Variants in NKAIN2 observed in about 807,000 individuals in gnomAD.
NKAIN2 encodes sodium/potassium-transporting ATPase subunit beta-1-interacting protein 2.
NKAIN2 carries 14 observed loss-of-function variants against 32.6 expected under a neutral mutation model. The observed-to-expected ratio is 0.43, with a 90% CI of 0.28 to 0.67. The LOEUF is 0.67. Among genes scored for constraint, NKAIN2 ranks in the 30% least tolerant of loss-of-function variants. NKAIN2 has a pLI of 0.17. For missense variants in NKAIN2, 198 were observed against 258.3 expected, an observed-to-expected ratio of 0.77 and a Z score of 1.60; for synonymous variants, 80 against 87.2, an observed-to-expected ratio of 0.92 and a Z score of 0.46.
intron 6 of NKAIN2, among the ~76,000 whole-genome samples, chr6:124,821,215 A>C (rs1224270130): frequency 6.6e-6 from 1 of 152,006 alleles, no homozygotes; most frequent in African/African-American, 2.4e-5. Context: ...GAATCTCTGG[A>C]ACCTGGGAGG....
At chr6:124,351,799 T>C (rs1470659765) in intron 2 of NKAIN2, among the ~76,000 whole-genome samples, 1 of 152,022 alleles carries the variant, frequency 6.6e-6, no homozygotes, top group Non-Finnish European at 1.5e-5. Flanking sequence ...ATTTTGTATT[T>C]TTAGTAGAGA....
chr6:124,152,558 T>G (rs1416809509), intron 1 of NKAIN2, among the ~76,000 whole-genome samples: 1 of 151,944 alleles, frequency 6.6e-6, no homozygotes, highest in East Asian at 1.9e-4. Context: ...TGTACATGTT[T>G]GGTAGGAATA....
rs1028246181 is a variant in NKAIN2 at position 124,096,221 on chromosome 6, G to A, written c.55-186784G>A. Among the ~76,000 whole-genome samples the A allele has an allele frequency of 4.6e-5, 7 of 152,232 alleles. No individual in the cohort carries two copies. In the South Asian group the frequency reaches 1.5e-3, roughly 32 times the overall value. On this transcript the variant is annotated intron_variant, in intron 1 of 6. Coordinates refer to ENST00000368417, the MANE Select transcript of NKAIN2 (RefSeq NM_001040214.3). ...GTGATGGTCTCCAAAATGTCATACAGGATGATCCAACATTATCAACTCAGT... is the reference window on the plus strand; with the variant it reads ...GTGATGGTCTCCAAAATGTCATACAAGATGATCCAACATTATCAACTCAGT...
At chr6:123,949,923 G>A (rs983706119) in intron 1 of NKAIN2, among the ~76,000 whole-genome samples, 1 of 151,910 alleles carries the variant, frequency 6.6e-6, no homozygotes, top group African/African-American at 2.4e-5. Flanking sequence ...CAATATGTTA[G>A]CTGTGGGTTG....
At chr6:124,284,083 G>T (rs763730670) in intron 2 of NKAIN2, among the ~76,000 whole-genome samples, 10 of 152,074 alleles carry the variant, frequency 6.6e-5, no homozygotes, top group Non-Finnish European at 1.0e-4. Context: ...CAATGTGGTG[G>T]TGGCTGGAAC....
At chr6:124,411,814 T>C (rs2114499421) in intron 3 of NKAIN2, among the ~76,000 whole-genome samples, 1 of 152,354 alleles carries the variant, frequency 6.6e-6, no homozygotes, top group Admixed American at 6.5e-5. Flanking sequence ...CACTTTCAGG[T>C]ACACCAATCA....
At chr6:124,200,843 G>A (rs770136898) in intron 1 of NKAIN2, among the ~76,000 whole-genome samples, 10 of 151,936 alleles carry the variant, frequency 6.6e-5, no homozygotes, top group Admixed American at 1.3e-4. Flanking sequence ...ATAAATGTGC[G>A]GTTTGTATAG....
chr6:123,938,538 T>A (rs1446059421), intron 1 of NKAIN2, among the ~76,000 whole-genome samples: 1 of 140,644 alleles, frequency 7.1e-6, no homozygotes, highest in African/African-American at 2.6e-5. Context: ...TTATATTTTT[T>A]ATATATTATA....
At chr6:124,695,342 A>G (rs1241406086) in intron 4 of NKAIN2, among the ~76,000 whole-genome samples, 1 of 152,194 alleles carries the variant, frequency 6.6e-6, no homozygotes, top group Non-Finnish European at 1.5e-5. Context: ...AGCTCAGAAC[A>G]CCAGCCATCA....
intron 1 of NKAIN2, among the ~76,000 whole-genome samples, chr6:124,133,392 T>A (rs1262288297): frequency 1.3e-5 from 2 of 152,082 alleles, no homozygotes; most frequent in Non-Finnish European, 1.5e-5. Context: ...CAAGGGGAGC[T>A]GAAGTAGCTC....
chr6:124,186,258 AAAG>A (rs1789734718), intron 1 of NKAIN2, among the ~76,000 whole-genome samples: 1 of 151,892 alleles, frequency 6.6e-6, no homozygotes, highest in Non-Finnish European at 1.5e-5. Context: ...AGAAAAGAAA[AAAG>A]AAAAGAAAAG....
intron 1 of NKAIN2, among the ~76,000 whole-genome samples, chr6:123,817,256 A>G (rs1773732256): frequency 6.6e-6 from 1 of 152,112 alleles, no homozygotes; most frequent in Admixed American, 6.6e-5. Flanking sequence ...GATAATGATA[A>G]TTATTTGTTA....
chr6:124,529,038 T>C (rs878958006), intron 3 of NKAIN2, among the ~76,000 whole-genome samples: 2 of 152,228 alleles, frequency 1.3e-5, no homozygotes, highest in Admixed American at 1.3e-4. Flanking sequence ...GCTTGAGGCA[T>C]GTTTCAATAT....
chr6:124,137,902 A>G (rs557588589), intron 1 of NKAIN2, among the ~76,000 whole-genome samples: 26 of 152,266 alleles, frequency 1.7e-4, no homozygotes, highest in African/African-American at 5.8e-4. Context: ...AACTGAAACC[A>G]TAAAAATTCT....
intron 1 of NKAIN2, among the ~76,000 whole-genome samples, chr6:124,212,582 T>C (rs1335436538): frequency 6.6e-6 from 1 of 152,118 alleles, no homozygotes; most frequent in Non-Finnish European, 1.5e-5. Context: ...AAGGAGATAC[T>C]CATACACTTT....
Position 124,776,694 on chromosome 6 carries a change from G to A in NKAIN2, c.475-14645G>A, listed in dbSNP as rs779884931. Among the ~76,000 whole-genome samples the A allele has an allele frequency of 4.6e-5, 7 of 151,974 alleles. No individual in the cohort carries two copies. The East Asian group carries it at 5.8e-4, about 13-fold the overall frequency. ...AGCCTGAACTCTCTTATTATACACCGTAATTTTTATCACATCTTTCTATTA... is the reference window on the plus strand; with the variant it reads ...AGCCTGAACTCTCTTATTATACACCATAATTTTTATCACATCTTTCTATTA... On this transcript the variant is annotated intron_variant, in intron 4 of 6. Coordinates refer to ENST00000368417, the MANE Select transcript of NKAIN2 (RefSeq NM_001040214.3).
intron 1 of NKAIN2, among the ~76,000 whole-genome samples, chr6:124,189,834 C>T (rs933706989): frequency 1.3e-5 from 2 of 152,226 alleles, no homozygotes; most frequent in African/African-American, 4.8e-5. Context: ...GGGAAGAAAG[C>T]TCTTCATCAT....
chr6:123,915,481 A>G (rs1775441520), intron 1 of NKAIN2, among the ~76,000 whole-genome samples: 1 of 152,138 alleles, frequency 6.6e-6, no homozygotes, highest in South Asian at 2.1e-4. Context: ...GATATTGCCT[A>G]TGACCTAGAG....
chr6:124,620,366 T>G (rs1783061973), intron 3 of NKAIN2, among the ~76,000 whole-genome samples: 1 of 152,182 alleles, frequency 6.6e-6, no homozygotes, highest in Non-Finnish European at 1.5e-5. Flanking sequence ...GTGTATGATT[T>G]TTAGACAAAA....
Sources: gnomAD v4.1 joint callset for allele counts (sites outside exome capture counted in the v4.1 genomes callset) on GRCh38, gnomAD v4.1.1 for gene constraint, MANE v1.5 for transcripts, NCBI Gene and HGNC (gene_info 2026-07-23, HGNC 2026-07-21) for gene names.